RALGPS1: variants seen among roughly 807,000 people sequenced by gnomAD.
The protein encoded by RALGPS1 is Ral GEF with PH domain and SH3 binding motif 1, also known as ras-specific guanine nucleotide-releasing factor RalGPS1.
Under a neutral mutation model 78.8 loss-of-function variants are expected in RALGPS1, and 19 were observed. The ratio of observed to expected loss-of-function variants is 0.24; its 90% CI spans 0.17 to 0.35. The LOEUF is 0.35. Ranked by LOEUF, RALGPS1 falls within the 10% of genes least tolerant of loss-of-function variation. The pLI is 1.00. For synonymous variants in RALGPS1, 228 were observed against 256.3 expected, an observed-to-expected ratio of 0.89 and a Z score of 1.06; for missense variants, 454 against 688.3, an observed-to-expected ratio of 0.66 and a Z score of 3.81.
intron 5 of RALGPS1, among the ~76,000 whole-genome samples, chr9:127,037,757 T>C (rs2046981033): frequency 6.6e-6 from 1 of 152,268 alleles, no homozygotes; most frequent in Non-Finnish European, 1.5e-5. Context: ...TTTCAGTAGC[T>C]CTATCTGATG....
chr9:127,074,586 C>A lies in RALGPS1; in HGVS notation c.610+5230C>A, dbSNP rs549972926. Among the ~76,000 whole-genome samples the A allele has an allele frequency of 2.6e-5, 4 of 152,308 alleles. No individual in the cohort carries two copies. The South Asian group carries it at 8.3e-4, about 32-fold the overall frequency. On this transcript the variant is annotated intron_variant, in intron 8 of 18. Transcript: ENST00000259351. Reference sequence around the variant, plus strand: ...TCCACTAGCAGAGGTGTTCCAGGGTCATTAAGGATGGCCTCTTTTCTCGAA... The same window carrying A: ...TCCACTAGCAGAGGTGTTCCAGGGTAATTAAGGATGGCCTCTTTTCTCGAA...
chr9:127,025,731 A>T (rs151252771), intron 4 of RALGPS1, among the ~76,000 whole-genome samples: 4 of 151,642 alleles, frequency 2.6e-5, no homozygotes, highest in African/African-American at 7.3e-5. Flanking sequence ...TTGTTCTGTC[A>T]TCCAGGCTGG....
chr9:126,923,972 G>A (rs140297013), intron 1 of RALGPS1, among the ~76,000 whole-genome samples: 63 of 152,340 alleles, frequency 4.1e-4, no homozygotes, highest in African/African-American at 1.5e-3. Flanking sequence ...TTGGCAATGA[G>A]CATCACTATG....
chr9:127,187,017 A>G (rs2060694995), intron 11 of RALGPS1, among the ~76,000 whole-genome samples: 1 of 152,200 alleles, frequency 6.6e-6, no homozygotes, highest in African/African-American at 2.4e-5. Context: ...GTGAGCAGGA[A>G]GGGCCGAAGA....
intron 8 of RALGPS1, chr9:127,088,050 C>T (rs1487757692): frequency 6.6e-6 from 1 of 152,502 alleles, no homozygotes; most frequent in Non-Finnish European, 1.5e-5. Context: ...AGGAATCTCG[C>T]CTGGAAAGAA....
chr9:126,947,372 CTT>C (rs1431547484), intron 1 of RALGPS1, among the ~76,000 whole-genome samples: 1 of 152,314 alleles, frequency 6.6e-6, no homozygotes, highest in Admixed American at 6.5e-5. Context: ...ATCTGAGACT[CTT>C]TGAGTGCTGA....
At chr9:127,018,450 A>G (rs2045100653) in intron 4 of RALGPS1, among the ~76,000 whole-genome samples, 1 of 152,040 alleles carries the variant, frequency 6.6e-6, no homozygotes, top group Non-Finnish European at 1.5e-5. Flanking sequence ...CCTGCCGAAC[A>G]CGGTGAAACT....
In RALGPS1 at chr9:127,020,185, T is replaced by C. The variant is rs151269956; in HGVS notation, c.217-14246T>C. Among the ~76,000 whole-genome samples the C allele has an allele frequency of 5.6e-4, 85 of 152,306 alleles. 1 individual carries two copies. In the East Asian group the frequency reaches 0.015, roughly 27 times the overall value. ...CTGAGAGAACTCACTGGTAAAACCA[T>C]GTGGTCTTGGAACCTTTGGTTTAAC... On this transcript the variant is annotated intron_variant, in intron 4 of 18. Transcript: ENST00000259351.
intron 1 of RALGPS1, among the ~76,000 whole-genome samples, chr9:126,924,387 A>C (rs1341688370): frequency 6.6e-6 from 1 of 152,192 alleles, no homozygotes. Context: ...TAACATGATA[A>C]TCATTTCAGG....
At chr9:127,135,693 G>A (rs553575026) in intron 8 of RALGPS1, among the ~76,000 whole-genome samples, 17 of 152,310 alleles carry the variant, frequency 1.1e-4, no homozygotes, top group African/African-American at 3.4e-4. Context: ...CCCAAGCCAG[G>A]CTCTGCTAGA....
At chr9:126,988,148 G>A (rs1242639504) in intron 4 of RALGPS1, among the ~76,000 whole-genome samples, 1 of 152,156 alleles carries the variant, frequency 6.6e-6, no homozygotes, top group African/African-American at 2.4e-5. Context: ...CAGTGGTGAG[G>A]TCAGCAGCAG....
At chr9:127,163,979 G>A (rs1193405390) in intron 8 of RALGPS1, among the ~76,000 whole-genome samples, 1 of 152,064 alleles carries the variant, frequency 6.6e-6, no homozygotes, top group African/African-American at 2.4e-5. Context: ...TCTTCAAATA[G>A]ATTCTTCAAA....
intron 8 of RALGPS1, among the ~76,000 whole-genome samples, chr9:127,125,685 C>T (rs561918402): frequency 6.6e-6 from 1 of 152,318 alleles, no homozygotes; most frequent in Non-Finnish European, 1.5e-5. Flanking sequence ...ATCTCCGTGT[C>T]CCCCTGACCT....
At chr9:127,150,590 TG>T (rs2058361154) in intron 8 of RALGPS1, among the ~76,000 whole-genome samples, 1 of 152,240 alleles carries the variant, frequency 6.6e-6, no homozygotes, top group Admixed American at 6.5e-5. Flanking sequence ...TCCTGCTTCC[TG>T]CATTTGAGAT....
chr9:126,923,280 G>A (rs1178822709), intron 1 of RALGPS1, among the ~76,000 whole-genome samples: 1 of 152,270 alleles, frequency 6.6e-6, no homozygotes, highest in South Asian at 2.1e-4. Context: ...GTGCATAGAA[G>A]ACAATGGAAG....
chr9:126,916,009 C>T (rs967654380), intron 1 of RALGPS1, among the ~76,000 whole-genome samples: 1 of 152,176 alleles, frequency 6.6e-6, no homozygotes, highest in South Asian at 2.1e-4. Context: ...AGTTTTTCAC[C>T]TGTTTCCTCC....
intron 4 of RALGPS1, among the ~76,000 whole-genome samples, chr9:127,003,673 T>TTTTC (rs764181088): frequency 3.3e-5 from 5 of 152,196 alleles, no homozygotes; most frequent in Non-Finnish European, 7.4e-5. Flanking sequence ...TGCCAAACTG[T>TTTTC]TTTCTTTCTT....
intron 2 of RALGPS1, among the ~76,000 whole-genome samples, chr9:126,963,880 TG>T (rs370063042): frequency 2.5e-4 from 38 of 152,138 alleles, no homozygotes; most frequent in Admixed American, 3.9e-4. Flanking sequence ...TTCTGGAAGG[TG>T]GGTATAGAAG....
intron 8 of RALGPS1, chr9:127,108,754 T>G (rs2137123258): frequency 6.3e-7 from 1 of 1,582,646 alleles, no homozygotes; most frequent in East Asian, 2.3e-5. Context: ...ATGGTGGTTA[T>G]TCTTTGTGAA....
Sources: allele counts gnomAD v4.1 joint callset (sites outside exome capture counted in the v4.1 genomes callset), GRCh38; gene constraint gnomAD v4.1.1; transcripts MANE v1.5; gene names NCBI Gene and HGNC (gene_info 2026-07-23, HGNC 2026-07-21).